Variants in TOP1 observed in about 807,000 individuals in gnomAD.
TOP1 encodes DNA topoisomerase I.
TOP1 carries 10 observed loss-of-function variants against 111.1 expected under a neutral mutation model. The observed-to-expected ratio is 0.09, with a 90% CI of 0.06 to 0.15. The LOEUF (loss-of-function observed/expected upper bound fraction) is 0.15. TOP1 is among the 10% of genes least tolerant of loss of function. The probability of loss-of-function intolerance (pLI) is 1.00; values close to 1 mark genes in which losing one functional copy is unlikely to be tolerated. For missense variants in TOP1, 474 were observed against 926.7 expected (o/e 0.51, Z 6.34); for synonymous variants, 271 against 302.9 (o/e 0.89, Z 1.10).
At chr20:41,075,020 A>G (rs573406825) in intron 3 of TOP1, among the ~76,000 whole-genome samples, 1 of 152,312 alleles carries the variant, frequency 6.6e-6, no homozygotes, top group African/African-American at 2.4e-5. Flanking sequence ...TGGTACTCAA[A>G]TTATAGCTTA....
At chr20:41,050,564 C>T (rs542579408) in intron 2 of TOP1, among the ~76,000 whole-genome samples, 1 of 152,334 alleles carries the variant, frequency 6.6e-6, no homozygotes, top group South Asian at 2.1e-4. Context: ...GGCTCACAGA[C>T]AGGGTGTCCT....
rs139108003 is a variant in TOP1, at chr20:41,034,260, A to G, written c.58+4805A>G. ...AGATTGTGTTTAAACTTCGAGTAGT[A>G]ATATTTGGAACTGTCTTTTCTCCCT... On this transcript the variant is annotated intron_variant, in intron 2 of 20. Coordinates refer to ENST00000361337, the MANE Select transcript of TOP1 (RefSeq NM_003286.4). This position sits in a 1 kb window ranked among gnomAD's most constrained non-coding sequence, Gnocchi z 4.0. 3.7e-3 allele frequency among the ~76,000 whole-genome samples: 562 copies of G among 152,332 alleles called. 7 individuals carry two copies. Among genetic ancestry groups the G allele is most frequent in the East Asian group, 0.026 (137 of 5,188 alleles).
Position 41,109,620 on chromosome 20 carries a change from G to A in TOP1, c.1309-3162G>A, listed in dbSNP as rs2034202526. ...CCTGTAGCTCCATAATAAAAAAACA[G>A]ACATCCCATCCGCATAATAAAAAGA... On this transcript the variant is annotated intron_variant, in intron 13 of 20. Coordinates refer to ENST00000361337, the MANE Select transcript of TOP1 (RefSeq NM_003286.4). This position sits in a 1 kb window ranked among gnomAD's most constrained non-coding sequence, Gnocchi z 4.1. Among the ~76,000 whole-genome samples the A allele has an allele frequency of 6.6e-6, 1 of 152,086 alleles. No individual in the cohort carries two copies. Among genetic ancestry groups the A allele is most frequent in the Non-Finnish European group, 1.5e-5 (1 of 67,992 alleles).
intron 11 of TOP1, among the ~76,000 whole-genome samples, chr20:41,099,132 C>A (rs747794909): frequency 6.6e-6 from 1 of 152,102 alleles, no homozygotes. Flanking sequence ...AAAGGACTTG[C>A]GTGTTTACGT....
At chr20:41,085,802 G>C (rs191267535) in intron 8 of TOP1, among the ~76,000 whole-genome samples, 24 of 152,340 alleles carry the variant, frequency 1.6e-4, no homozygotes, top group Non-Finnish European at 2.4e-4. Flanking sequence ...AAAGAGCACT[G>C]ACCAGGAAGG....
chr20:41,070,601 A>G (rs2033658894), intron 3 of TOP1, among the ~76,000 whole-genome samples: 2 of 152,248 alleles, frequency 1.3e-5, no homozygotes, highest in African/African-American at 4.8e-5. Flanking sequence ...TATCCTTGAA[A>G]GGGTCATGAG....
intron 2 of TOP1, among the ~76,000 whole-genome samples, chr20:41,051,163 G>A (rs902427818): frequency 2.0e-5 from 3 of 152,138 alleles, no homozygotes; most frequent in Non-Finnish European, 4.4e-5. Flanking sequence ...TTTGGAGAAG[G>A]TAGGTTTTGA....
intron 2 of TOP1, among the ~76,000 whole-genome samples, chr20:41,038,062 A>G (rs1351491901): frequency 1.3e-5 from 2 of 152,226 alleles, no homozygotes; most frequent in African/African-American, 4.8e-5. Context: ...CTCAGTATAC[A>G]AGGAATGTGC....
chr20:41,072,088 T>C lies in TOP1; in HGVS notation c.156-4083T>C, dbSNP rs144006317. Among the ~76,000 whole-genome samples the C allele has an allele frequency of 2.2e-3, 330 of 152,344 alleles. 1 individual carries two copies. The highest frequency in any genetic ancestry group is 6.5e-3 in the African/African-American group (271 of 41,594). ...AATGGGGAGACAAAAAAGGCAACCC[T>C]GAAGGTTTTTATCCTTTCAGGGTAT... On this transcript the variant is annotated intron_variant, in intron 3 of 20. Transcript: ENST00000361337.
chr20:41,051,093 A>G (rs151101550), intron 2 of TOP1, among the ~76,000 whole-genome samples: 1 of 152,238 alleles, frequency 6.6e-6, no homozygotes, highest in African/African-American at 2.4e-5. Context: ...CTAGTTGTAT[A>G]TTTGTATGTC....
chr20:41,058,025 G>A lies in TOP1; in HGVS notation c.59-3369G>A, dbSNP rs1354242586. On this transcript the variant is annotated intron_variant, in intron 2 of 20. Transcript: ENST00000361337. This position sits in a 1 kb window ranked among gnomAD's most constrained non-coding sequence, Gnocchi z 4.2. ...AGACTCGAGGTTTTTAGAAGAAGCT[G>A]AAGGGTTCTGTATGCTGCATGGAAG... 1.3e-5 allele frequency among the ~76,000 whole-genome samples: 2 copies of A among 152,216 alleles called. No individual in the cohort carries two copies. The highest frequency in any genetic ancestry group is 1.9e-4 in the East Asian group (1 of 5,204).
rs1390401958 is a variant in TOP1, at chr20:41,094,689, C to G, written c.730+2102C>G. 6.6e-6 allele frequency among the ~76,000 whole-genome samples: 1 copy of G among 152,174 alleles called. No individual in the cohort carries two copies. Among genetic ancestry groups the G allele is most frequent in the Non-Finnish European group, 1.5e-5 (1 of 68,024 alleles). On this transcript the variant is annotated intron_variant, in intron 9 of 20. Coordinates refer to ENST00000361337, the MANE Select transcript of TOP1 (RefSeq NM_003286.4). This position sits in a 1 kb window ranked among gnomAD's most constrained non-coding sequence, Gnocchi z 4.4. Reference sequence around the variant, plus strand: ...CAGTAAGTCAAGAAGTCATATTTGACTTTACTTCAAACTGATACAGTAAGT... The same window carrying G: ...CAGTAAGTCAAGAAGTCATATTTGAGTTTACTTCAAACTGATACAGTAAGT...
In TOP1 at chr20:41,044,504, G is replaced by A. The variant is rs370036042; in HGVS notation, c.58+15049G>A. ...ATAACTTCAGTTGAAATGTTTTCTG[G>A]GCAGGTGTTCATTGAGGGCCTGATT... On this transcript the variant is annotated intron_variant, in intron 2 of 20. Coordinates refer to ENST00000361337, the MANE Select transcript of TOP1 (RefSeq NM_003286.4). Among the ~76,000 whole-genome samples the A allele has an allele frequency of 1.5e-4, 23 of 152,230 alleles. 3 individuals carry two copies. Among genetic ancestry groups the A allele is most frequent in the African/African-American group, 5.1e-4 (21 of 41,538 alleles).
chr20:41,109,814 T>C lies in TOP1; in HGVS notation c.1309-2968T>C, dbSNP rs182011737. On this transcript the variant is annotated intron_variant, in intron 13 of 20. Coordinates refer to ENST00000361337, the MANE Select transcript of TOP1 (RefSeq NM_003286.4). This position sits in a 1 kb window ranked among gnomAD's most constrained non-coding sequence, Gnocchi z 4.1. ...TTTACCTCAAGTGAAATAAAAACAT[T>C]TATCCATGAAAAAACTTGTACAAGA... is the stretch of plus-strand genomic sequence containing the variant. Among the ~76,000 whole-genome samples, 12 of 152,288 alleles carry C rather than the reference T, an allele frequency of 7.9e-5. No individual in the cohort carries two copies. The highest frequency in any genetic ancestry group is 2.9e-4 in the African/African-American group (12 of 41,560).
intron 3 of TOP1, among the ~76,000 whole-genome samples, chr20:41,062,668 A>T (rs2033559949): frequency 6.6e-6 from 1 of 152,244 alleles, no homozygotes; most frequent in Admixed American, 6.5e-5. Flanking sequence ...TTAGGAGAAC[A>T]TAGCAGTTAT....
In TOP1 at chr20:41,122,144, C is replaced by T. The variant is rs2145974082; in HGVS notation, c.2184C>T (p.Ile728=). Residue 728 remains isoleucine, a synonymous_variant, in exon 20 of 21, where the codon ATC becomes ATT. Coordinates refer to ENST00000361337, the MANE Select transcript of TOP1 (RefSeq NM_003286.4). This position sits in a 1 kb window ranked among gnomAD's most constrained non-coding sequence, Gnocchi z 5.4. ...TSKLNYLDPR[I]TVAWCKKWGV... is the part of the protein sequence containing the mutation. ...AACTCAATTATCTGGACCCTAGGAT[C>T]ACAGTGGCTTGGTAAGTGTTGAGCC... 2.5e-6 allele frequency: 4 copies of T among 1,614,058 alleles called. No homozygotes were observed. Among genetic ancestry groups the T allele is most frequent in the Non-Finnish European group, 3.4e-6 (4 of 1,179,964 alleles).
At chr20:41,048,605 T>A (rs547078798) in intron 2 of TOP1, among the ~76,000 whole-genome samples, 1 of 152,332 alleles carries the variant, frequency 6.6e-6, no homozygotes, top group Admixed American at 6.5e-5. Flanking sequence ...GTCTTCTTAC[T>A]ATTAGAAAGT....
chr20:41,084,450 G>A lies in TOP1; in HGVS notation c.508-12G>A, dbSNP rs1395679620. On this transcript the variant is annotated splice_polypyrimidine_tract_variant and intron_variant, in intron 7 of 20. Transcript: ENST00000361337. ...CTTTATTTAAGTGCTTTCTCACCAT[G>A]TTTCTTTGTAGGATGGTAAATTGAA... 1 of 1,504,088 alleles carries A rather than the reference G, an allele frequency of 6.6e-7. No individual in the cohort carries two copies. The highest frequency in any genetic ancestry group is 2.3e-5 in the East Asian group (1 of 42,758). 93.2% of individuals were successfully genotyped at this position (1,504,088 alleles called of 1,614,324 possible). A position where few individuals can be genotyped will look rare whatever the true frequency, so the allele number is the denominator to read the frequency against.
At chr20:41,096,760 A>G (rs1389862769) in intron 9 of TOP1, among the ~76,000 whole-genome samples, 1 of 152,148 alleles carries the variant, frequency 6.6e-6, no homozygotes, top group Admixed American at 6.5e-5. Flanking sequence ...AAAGATGCCT[A>G]TTTCTTTTCC....
Sources: gnomAD v4.1 joint callset for allele counts (sites outside exome capture counted in the v4.1 genomes callset) on GRCh38, gnomAD v4.1.1 for gene constraint, Gnocchi (gnomAD v3.1) non-coding constraint, MANE v1.5 for transcripts, NCBI Gene and HGNC (gene_info 2026-07-23, HGNC 2026-07-21) for gene names.